Variants in NRXN1 observed in about 807,000 individuals in gnomAD.
NRXN1 encodes neurexin 1.
NRXN1 carries 39 observed loss-of-function variants against 150.9 expected under a neutral mutation model. The ratio of observed to expected loss-of-function variants is 0.26; its 90% confidence interval spans 0.20 to 0.34. NRXN1 has a LOEUF of 0.34. Among genes scored for constraint, NRXN1 ranks in the 10% least tolerant of loss-of-function variants. The pLI is 1.00. For missense variants in NRXN1, 1,815 were observed against 1,949.9 expected (o/e 0.93, Z 1.30); for synonymous variants, 924 against 757.0 (o/e 1.22, Z -3.62).
At chr2:49,974,168 C>A in intron 21 of NRXN1, 1 of 711,604 alleles carries the variant, frequency 1.4e-6, no homozygotes, top group Non-Finnish European at 2.6e-6. Context: ...CCTATCAGTG[C>A]CCTGCACACA....
chr2:50,987,728 A>G (rs1432243594), intron 2 of NRXN1, among the ~76,000 whole-genome samples: 3 of 151,928 alleles, frequency 2.0e-5, no homozygotes, highest in Non-Finnish European at 4.4e-5. Context: ...TGTTAGGTTG[A>G]AAGAGCTTGT....
At chr2:50,085,047 A>G (rs1442601921) in intron 19 of NRXN1, among the ~76,000 whole-genome samples, 1 of 152,236 alleles carries the variant, frequency 6.6e-6, no homozygotes, top group Non-Finnish European at 1.5e-5. Flanking sequence ...CACTTGTTTA[A>G]TTTACTCAGC....
At chr2:50,893,448 A>T (rs1233301328) in intron 5 of NRXN1, among the ~76,000 whole-genome samples, 1 of 152,122 alleles carries the variant, frequency 6.6e-6, no homozygotes, top group Non-Finnish European at 1.5e-5. Flanking sequence ...AGCCTCAATA[A>T]AGCATTTTCC....
Position 50,447,122 on chromosome 2 carries a change from C to G in NRXN1, c.3364+18320G>C, listed in dbSNP as rs906946405. Among the ~76,000 whole-genome samples, 3 of 151,944 alleles carry G rather than the reference C, an allele frequency of 2.0e-5. No individual in the cohort carries two copies. In the South Asian group the frequency reaches 6.2e-4, roughly 31 times the overall value. On this transcript the variant is annotated intron_variant, in intron 17 of 22. Coordinates refer to ENST00000401669, the MANE Select transcript of NRXN1 (RefSeq NM_001330078.2). ...AGATTGCATTCTGATACTTTGACCC[C>G]AAACTAATCAAACTAAATATAAATT...
At chr2:50,922,561 T>C (rs1686203136) in intron 4 of NRXN1, 97 bp downstream of exon 4, 1 of 1,072,638 alleles carries the variant, frequency 9.3e-7, no homozygotes, top group African/African-American at 1.6e-5. Context: ...GCCATATAAT[T>C]TGCAAGCATT....
At chr2:50,211,669 C>T (rs901378912) in intron 18 of NRXN1, among the ~76,000 whole-genome samples, 17 of 150,952 alleles carry the variant, frequency 1.1e-4, no homozygotes, top group African/African-American at 4.1e-4. Flanking sequence ...AAGGAAATAT[C>T]GTCATAATGA....
intron 18 of NRXN1, among the ~76,000 whole-genome samples, chr2:50,100,583 C>G (rs575798799): frequency 1.3e-5 from 2 of 152,142 alleles, no homozygotes; most frequent in East Asian, 1.9e-4. Flanking sequence ...AGAAGACATT[C>G]TCAAACCATT....
chr2:50,636,377 T>C (rs1174261506), intron 5 of NRXN1, among the ~76,000 whole-genome samples: 2 of 152,162 alleles, frequency 1.3e-5, no homozygotes, highest in East Asian at 3.9e-4. Context: ...CTGGGCCTCA[T>C]TTTCCCTCCT....
At chr2:50,068,040 T>G (rs888878682) in intron 19 of NRXN1, among the ~76,000 whole-genome samples, 8 of 152,202 alleles carry the variant, frequency 5.3e-5, no homozygotes, top group Non-Finnish European at 1.2e-4. Flanking sequence ...CACAGTCTGA[T>G]GTGGCCTATA....
intron 17 of NRXN1, among the ~76,000 whole-genome samples, chr2:50,342,118 A>T (rs1204806894): frequency 2.0e-5 from 3 of 152,206 alleles, no homozygotes; most frequent in Admixed American, 2.0e-4. Context: ...ACACAAATAC[A>T]AACACATGCT....
intron 18 of NRXN1, among the ~76,000 whole-genome samples, chr2:50,202,246 C>A (rs1225921946): frequency 6.6e-6 from 1 of 152,168 alleles, no homozygotes; most frequent in Non-Finnish European, 1.5e-5. Flanking sequence ...GTGGCTCACG[C>A]CTGTAATCCC....
intron 21 of NRXN1, among the ~76,000 whole-genome samples, chr2:50,001,985 T>G (rs1382462185): frequency 6.6e-6 from 1 of 152,006 alleles, no homozygotes; most frequent in Non-Finnish European, 1.5e-5. Context: ...GAGGGTCCTA[T>G]GGCAGGCAGC....
At chr2:50,742,613 A>G (rs1042385080) in intron 5 of NRXN1, among the ~76,000 whole-genome samples, 1 of 151,604 alleles carries the variant, frequency 6.6e-6, no homozygotes, top group African/African-American at 2.4e-5. Flanking sequence ...GTCTCAAAAA[A>G]AAAAAAAAAA....
At chr2:50,064,771 GA>G (rs1269395891) in intron 19 of NRXN1, among the ~76,000 whole-genome samples, 13 of 152,212 alleles carry the variant, frequency 8.5e-5, no homozygotes, top group African/African-American at 3.1e-4. Context: ...GCCTTGTAAA[GA>G]AAGCAACATT....
At chr2:49,973,818 G>T in intron 21 of NRXN1, 1 of 584,740 alleles carries the variant, frequency 1.7e-6, no homozygotes, top group Non-Finnish European at 3.0e-6. Context: ...TCTTCAAGAA[G>T]AAATATTTTA....
At chr2:50,873,187 G>A (rs1424660385) in intron 5 of NRXN1, among the ~76,000 whole-genome samples, 1 of 151,750 alleles carries the variant, frequency 6.6e-6, no homozygotes, top group Non-Finnish European at 1.5e-5. Context: ...TAGCCCTTGA[G>A]GCTGTTATAA....
At position 50,341,397 on chromosome 2, in the gene NRXN1, TAA is replaced by T. The variant is rs71904122; in HGVS notation, c.3365-104429_3365-104428del. 9.3e-3 allele frequency among the ~76,000 whole-genome samples: 1,357 copies of T among 145,146 alleles called. 13 individuals are homozygous for T. Among genetic ancestry groups the T allele is most frequent in the Middle Eastern group, 0.036 (10 of 274 alleles). On this transcript the variant is annotated intron_variant, in intron 17 of 22. Coordinates refer to ENST00000401669, the MANE Select transcript of NRXN1 (RefSeq NM_001330078.2). ...TCTAAAGTCTCTTTTAAGTATTTCT[TAA>T]AAAAAAAAAAAAATCATTGGGAACC...
chr2:50,086,356 A>AT (rs2152690831), intron 19 of NRXN1, among the ~76,000 whole-genome samples: 1 of 152,252 alleles, frequency 6.6e-6, no homozygotes, highest in Non-Finnish European at 1.5e-5. Context: ...GCCCTGAAAT[A>AT]TTTTACCAGA....
At chr2:50,049,942 T>C (rs578111964) in intron 21 of NRXN1, among the ~76,000 whole-genome samples, 24 of 152,180 alleles carry the variant, frequency 1.6e-4, no homozygotes, top group Non-Finnish European at 2.4e-4. Flanking sequence ...TATGGAAACA[T>C]TTAAAAATTA....
Sources: gnomAD v4.1 joint callset for allele counts (sites outside exome capture counted in the v4.1 genomes callset) on GRCh38, gnomAD v4.1.1 for gene constraint, MANE v1.5 for transcripts, NCBI Gene and HGNC (gene_info 2026-07-23, HGNC 2026-07-21) for gene names.